The following GRID2 variants were observed in gnomAD, a reference collection of about 807,000 sequenced individuals.
GRID2 encodes the protein glutamate ionotropic receptor delta type subunit 2.
A neutral mutation model predicts 114.8 loss-of-function variants in GRID2; 33 were observed. The observed-to-expected ratio is 0.29, with a 90% CI of 0.22 to 0.38. The LOEUF (loss-of-function observed/expected upper bound fraction) is 0.38, where lower values mean the gene tolerates loss of function less well. Ranked by LOEUF, GRID2 falls within the 10% of genes least tolerant of loss-of-function variation. GRID2 has a pLI of 1.00. For missense variants in GRID2, 1,184 were observed against 1,257.7 expected (o/e 0.94, Z 0.89); for synonymous variants, 505 against 449.9 (o/e 1.12, Z -1.55).
At chr4:92,682,682 GCACACACACACACACA>G (rs57217377) in intron 2 of GRID2, among the ~76,000 whole-genome samples, 4 of 142,810 alleles carry the variant, frequency 2.8e-5, no homozygotes, top group African/African-American at 7.7e-5. Context: ...AAATCGCAGG[GCACACACACACACACA>G]CACACACACA....
At chr4:93,727,512 C>T (rs111338851) in intron 14 of GRID2, among the ~76,000 whole-genome samples, 3 of 152,104 alleles carry the variant, frequency 2.0e-5, no homozygotes, top group African/African-American at 7.2e-5. Context: ...AAATGAGTTA[C>T]GGAGGATTCC....
In GRID2 at chr4:93,308,749, G is replaced by GTA. The variant is rs1755702294; in HGVS notation, c.1245+70259_1245+70260insTA. On this transcript the variant is annotated intron_variant, in intron 8 of 15. Coordinates refer to ENST00000282020, the MANE Select transcript of GRID2 (RefSeq NM_001510.4). ...TGTACACAAAATGGCTGTCACCAATGCAATAAGACTTTTTCCAAAAATTGT... is the reference window on the plus strand; with the variant it reads ...TGTACACAAAATGGCTGTCACCAATGTACAATAAGACTTTTTCCAAAAATTGT... Among the ~76,000 whole-genome samples the GTA allele has an allele frequency of 1.5e-4, 23 of 152,136 alleles. No homozygotes were observed. In the South Asian group the frequency reaches 4.8e-3, roughly 32 times the overall value.
intron 8 of GRID2, among the ~76,000 whole-genome samples, chr4:93,296,705 T>C (rs930015852): frequency 5.3e-5 from 8 of 152,252 alleles, no homozygotes; most frequent in African/African-American, 1.9e-4. Context: ...GTAGGTTAAT[T>C]TGATTATTTT....
At chr4:92,852,572 C>T (rs948370141) in intron 2 of GRID2, among the ~76,000 whole-genome samples, 1 of 151,918 alleles carries the variant, frequency 6.6e-6, no homozygotes, top group Non-Finnish European at 1.5e-5. Flanking sequence ...CTCTGAAGCT[C>T]TTTGATATAA....
chr4:93,168,217 GAAGGAAAGGAAAGGAAAGGAAAGAA>G (rs1560946651), intron 4 of GRID2, among the ~76,000 whole-genome samples: 1 of 150,508 alleles, frequency 6.6e-6, no homozygotes, highest in African/African-American at 2.4e-5. Context: ...AAAGAAAAGG[GAAGGAAAGGAAAGGAAAGGAAAGAA>G]AAGGAAAGGA....
chr4:92,440,683 G>T (rs1168503766), intron 1 of GRID2, among the ~76,000 whole-genome samples: 1 of 151,976 alleles, frequency 6.6e-6, no homozygotes, highest in Admixed American at 6.6e-5. Flanking sequence ...TGCCTTTGCT[G>T]GTGTGTGGTG....
chr4:93,315,287 T>A (rs56242570), intron 8 of GRID2, among the ~76,000 whole-genome samples: 51,222 of 151,944 alleles, frequency 0.34, 8,931 homozygotes, highest in East Asian at 0.61. Flanking sequence ...GGGATGAGAT[T>A]TGGGTGGAGA....
chr4:92,331,685 T>A (rs73839286), intron 1 of GRID2, among the ~76,000 whole-genome samples: 3 of 152,202 alleles, frequency 2.0e-5, no homozygotes, highest in African/African-American at 4.8e-5. Context: ...GCAGACCCTA[T>A]TGAGCCAGAC....
At chr4:92,549,833 T>G (rs1726485455) in intron 1 of GRID2, among the ~76,000 whole-genome samples, 1 of 152,180 alleles carries the variant, frequency 6.6e-6, no homozygotes, top group Admixed American at 6.5e-5. Flanking sequence ...CTGCATAATC[T>G]ATATGACTAT....
chr4:93,448,185 T>G (rs924693437), intron 10 of GRID2, among the ~76,000 whole-genome samples: 1 of 151,894 alleles, frequency 6.6e-6, no homozygotes, highest in Non-Finnish European at 1.5e-5. Context: ...GATATCGTAA[T>G]GCACTTTAGG....
chr4:92,635,049 AT>A (rs1395129505), intron 2 of GRID2, among the ~76,000 whole-genome samples: 2 of 152,064 alleles, frequency 1.3e-5, no homozygotes, highest in African/African-American at 4.8e-5. Flanking sequence ...GTGCATGGTG[AT>A]TTTGTGACGT....
intron 10 of GRID2, among the ~76,000 whole-genome samples, chr4:93,451,706 T>C (rs1199757069): frequency 1.3e-5 from 2 of 151,988 alleles, no homozygotes; most frequent in Non-Finnish European, 2.9e-5. Context: ...AGCTGGAGCC[T>C]AGGAAAACAA....
At chr4:93,213,297 G>A (rs757627440) in intron 5 of GRID2, among the ~76,000 whole-genome samples, 1 of 151,872 alleles carries the variant, frequency 6.6e-6, no homozygotes, top group Admixed American at 6.6e-5. Flanking sequence ...AAATTTTATG[G>A]AAGCATCAAA....
At chr4:93,085,336 T>TA in intron 3 of GRID2, 57 bp downstream of exon 3, 1 of 1,328,344 alleles carries the variant, frequency 7.5e-7, no homozygotes, top group Non-Finnish European at 1.1e-6. Context: ...GAGAAGCAAA[T>TA]TCATTAAATC....
intron 4 of GRID2, among the ~76,000 whole-genome samples, chr4:93,207,202 G>A (rs886337715): frequency 2.6e-5 from 4 of 152,008 alleles, no homozygotes; most frequent in Admixed American, 2.6e-4. Flanking sequence ...AATATAATTA[G>A]CAAGTCTACA....
intron 2 of GRID2, among the ~76,000 whole-genome samples, chr4:92,708,849 G>A (rs1465579640): frequency 2.6e-5 from 4 of 152,098 alleles, no homozygotes; most frequent in Admixed American, 1.3e-4. Flanking sequence ...TCCAGGCGGC[G>A]GAGGTTGCAG....
chr4:92,324,971 C>CA (rs751220784), intron 1 of GRID2, among the ~76,000 whole-genome samples: 12 of 151,834 alleles, frequency 7.9e-5, no homozygotes, highest in Non-Finnish European at 1.8e-4. Context: ...TCCAACTATA[C>CA]AAAAAATAAA....
At chr4:92,539,606 A>T (rs1933808285) in intron 1 of GRID2, among the ~76,000 whole-genome samples, 1 of 152,164 alleles carries the variant, frequency 6.6e-6, no homozygotes, top group African/African-American at 2.4e-5. Flanking sequence ...CCAAATGGTT[A>T]TATTTAAAGA....
chr4:93,437,756 C>T (rs542698239), intron 10 of GRID2, among the ~76,000 whole-genome samples: 1 of 152,200 alleles, frequency 6.6e-6, no homozygotes, highest in South Asian at 2.1e-4. Flanking sequence ...TTTAATCTGC[C>T]TAGACTGCCT....
Sources: allele counts gnomAD v4.1 joint callset (sites outside exome capture counted in the v4.1 genomes callset), GRCh38; gene constraint gnomAD v4.1.1; transcripts MANE v1.5; gene names NCBI Gene and HGNC (gene_info 2026-07-23, HGNC 2026-07-21).